The following KIF18B variants were observed in gnomAD, a reference collection of about 807,000 sequenced individuals.
The protein encoded by KIF18B is kinesin family member 18B.
KIF18B carries 49 observed loss-of-function variants against 80.9 expected under a neutral mutation model. The observed-to-expected ratio is 0.61, with a 90% CI of 0.48 to 0.77. The LOEUF (loss-of-function observed/expected upper bound fraction) is 0.77, where lower values mean the gene tolerates loss of function less well. Among genes scored for constraint, KIF18B ranks in the 30% least tolerant of loss-of-function variants. KIF18B has a pLI of 0.00. For missense variants in KIF18B, 994 were observed against 1,127.7 expected (o/e 0.88, Z 1.70); for synonymous variants, 439 against 463.9 (o/e 0.95, Z 0.69).
chr17:44,936,708 C>T (rs1422908544), intron 1 of KIF18B, among the ~76,000 whole-genome samples: 9 of 132,132 alleles, frequency 6.8e-5, no homozygotes, highest in Non-Finnish European at 1.4e-4. Flanking sequence ...GGCATGATCT[C>T]GGCTCATTGC....
chr17:44,934,043 G>A lies in KIF18B; in HGVS notation c.942C>T (p.Asp314=), dbSNP rs1020562414. 4.3e-6 allele frequency: 7 copies of A among 1,612,656 alleles called. No homozygotes were observed. The highest frequency in any genetic ancestry group is 5.9e-6 in the Non-Finnish European group (7 of 1,179,534). Residue 314 remains aspartate (D), a synonymous_variant, in exon 7 of 16, where the codon GAC becomes GAT. Coordinates refer to ENST00000593135, the MANE Select transcript of KIF18B (RefSeq NM_001265577.2). The surrounding 1 kb of genome is among the most constrained non-coding windows in gnomAD (Gnocchi z 5.4). The part of the protein sequence containing the change: ...RDSKLTRLLK[D]SLGGNCRTVM... ...CTGTGCGGCAGTTGCCCCCGAGGGAGTCTTTGAGCAGGCGGGTCAGTTTGC... is the reference window on the plus strand; with the variant it reads ...CTGTGCGGCAGTTGCCCCCGAGGGAATCTTTGAGCAGGCGGGTCAGTTTGC...
intron 1 of KIF18B, among the ~76,000 whole-genome samples, chr17:44,939,310 G>T (rs2052370759): frequency 7.5e-6 from 1 of 133,086 alleles, no homozygotes; most frequent in Non-Finnish European, 1.5e-5. Flanking sequence ...GGCGGAGGTT[G>T]CAGTGAGCTG....
At chr17:44,933,108 G>T in intron 7 of KIF18B, 122 bp from the exon 8 acceptor site, 1 of 805,720 alleles carries the variant, frequency 1.2e-6, no homozygotes, top group East Asian at 2.7e-5. Flanking sequence ...CCTCGCAAGT[G>T]GGGAGACACA....
At chr17:44,930,974 C>T (rs1439998451) in intron 11 of KIF18B, among the ~76,000 whole-genome samples, 1 of 152,182 alleles carries the variant, frequency 6.6e-6, no homozygotes, top group Non-Finnish European at 1.5e-5. Flanking sequence ...GCTTTAAATA[C>T]ACTGCCTAGC....
intron 1 of KIF18B, among the ~76,000 whole-genome samples, chr17:44,940,878 A>G (rs141985568): frequency 4.3e-4 from 66 of 152,366 alleles, no homozygotes; most frequent in African/African-American, 1.5e-3. Context: ...CCCATATAAA[A>G]CAAGAAAAAG....
At chr17:44,931,761 G>A (rs2052153793) in intron 10 of KIF18B, 32 bp from the exon 11 acceptor site, 1 of 1,607,616 alleles carries the variant, frequency 6.2e-7, no homozygotes, top group African/African-American at 1.3e-5. Context: ...CAGGTAGAGG[G>A]GCCAGGATGG....
At chr17:44,943,740 T>C (rs891554915) in intron 1 of KIF18B, among the ~76,000 whole-genome samples, 1 of 152,182 alleles carries the variant, frequency 6.6e-6, no homozygotes, top group South Asian at 2.1e-4. Context: ...CCAGGTCTCA[T>C]GTTGTTGCCC....
At chr17:44,944,218 C>T (rs547437401) in intron 1 of KIF18B, among the ~76,000 whole-genome samples, 9 of 152,044 alleles carry the variant, frequency 5.9e-5, no homozygotes, top group Admixed American at 3.9e-4. Flanking sequence ...ACTACATTAA[C>T]GAAACAGATT....
At chr17:44,936,922 A>C (rs1419205466) in intron 1 of KIF18B, among the ~76,000 whole-genome samples, 2 of 151,376 alleles carry the variant, frequency 1.3e-5, no homozygotes, top group African/African-American at 4.8e-5. Context: ...GATTACAGGC[A>C]TGAGCCACCG....
At chr17:44,939,513 G>A (rs2052377329) in intron 1 of KIF18B, among the ~76,000 whole-genome samples, 1 of 151,022 alleles carries the variant, frequency 6.6e-6, no homozygotes, top group Non-Finnish European at 1.5e-5. Context: ...CTTTTTCTTG[G>A]CTATTTTTAG....
Position 44,934,614 on chromosome 17 carries a change from C to A in KIF18B, c.580G>T (p.Ala194Ser). 1 of 1,602,496 alleles carries A rather than the reference C, an allele frequency of 6.2e-7. No individual in the cohort carries two copies. Among genetic ancestry groups the A allele is most frequent in the Middle Eastern group, 1.7e-4 (1 of 6,006 alleles). Residue 194 changes from alanine to serine, a missense_variant, in exon 5 of 16, where the codon GCC becomes TCC. Coordinates refer to ENST00000593135, the MANE Select transcript of KIF18B (RefSeq NM_001265577.2). The surrounding 1 kb of genome is among the most constrained non-coding windows in gnomAD (Gnocchi z 5.4). ...VVQGLSFHQP[A>S]SAEQLLEILT... ...ATCTCCAGCAGCTGCTCGGCTGAGG[C>A]TGGCTACAGAGGAGAAGCCCAGGAA...
chr17:44,947,196 G>A (rs568156165), intron 1 of KIF18B, among the ~76,000 whole-genome samples: 150 of 149,770 alleles, frequency 1.0e-3, no homozygotes, highest in African/African-American at 3.5e-3. Context: ...CAGTTCAGTA[G>A]ATGGGTGGAG....
chr17:44,932,824 G>T, intron 8 of KIF18B, 51 bp from the exon 9 acceptor site: 1 of 1,577,880 alleles, frequency 6.3e-7, no homozygotes. Flanking sequence ...GCACAGGAGG[G>T]GAGGGGCAGA....
rs1330508225 is a variant in KIF18B, at chr17:44,925,145, G to A, written c.*935C>T. 1.3e-5 allele frequency: 2 copies of A among 152,276 alleles called. No individual in the cohort carries two copies. The highest frequency in any genetic ancestry group is 2.4e-5 in the African/African-American group (1 of 41,278). 9.4% of individuals were successfully genotyped at this position (152,276 alleles called of 1,614,324 possible). On this transcript the variant is annotated 3_prime_UTR_variant, in exon 16 of 16. Coordinates refer to ENST00000593135, the MANE Select transcript of KIF18B (RefSeq NM_001265577.2). The stretch of plus-strand genomic sequence containing the variant: ...AGCCCAAGAGCCGTCTGCCTGCACA[G>A]AGGGCATCATAAATGAGAGGGGAGG...
intron 1 of KIF18B, among the ~76,000 whole-genome samples, chr17:44,945,117 T>C (rs2052486906): frequency 6.6e-6 from 1 of 152,240 alleles, no homozygotes; most frequent in African/African-American, 2.4e-5. Flanking sequence ...TAGAGTGCAG[T>C]GGCGCGATCA....
At chr17:44,940,718 G>T (rs2052400568) in intron 1 of KIF18B, among the ~76,000 whole-genome samples, 2 of 152,136 alleles carry the variant, frequency 1.3e-5, no homozygotes, top group South Asian at 4.1e-4. Context: ...TTCCACTGGT[G>T]GGTCACAAAT....
Position 44,935,208 on chromosome 17 carries a change from A to G in KIF18B, c.471+51T>C, listed in dbSNP as rs573347108. 6.1e-5 allele frequency: 93 copies of G among 1,517,360 alleles called. No homozygotes were observed. The African/African-American group carries it at 1.2e-3, about 19-fold the overall frequency. The allele number at this position is 1,517,360 out of a possible 1,614,324, so 94.0% of individuals were successfully genotyped here. A position where few individuals can be genotyped will look rare whatever the true frequency, so the allele number is the denominator to read the frequency against. On this transcript the variant is annotated intron_variant, in intron 3 of 15. Transcript: ENST00000593135. ...CCAGCTCACTCCACCCCATGGGCTCACTTCCCCCCGGGTGGTTGTGAGAAC... is the reference window on the plus strand; with the variant it reads ...CCAGCTCACTCCACCCCATGGGCTCGCTTCCCCCCGGGTGGTTGTGAGAAC...
intron 1 of KIF18B, among the ~76,000 whole-genome samples, chr17:44,942,279 C>T (rs2052434877): frequency 6.6e-6 from 1 of 152,232 alleles, no homozygotes; most frequent in Non-Finnish European, 1.5e-5. Flanking sequence ...ACAGTCACGT[C>T]CTGTTTCTAA....
chr17:44,935,983 G>A (rs750157402), intron 2 of KIF18B, 49 bp downstream of exon 2: 1 of 1,533,686 alleles, frequency 6.5e-7, no homozygotes, highest in Non-Finnish European at 9.0e-7. Flanking sequence ...CTTCCCTTAG[G>A]AGGAGGCAGG....
Sources: allele counts gnomAD v4.1 joint callset (sites outside exome capture counted in the v4.1 genomes callset), GRCh38; gene constraint gnomAD v4.1.1; non-coding constraint Gnocchi (gnomAD v3.1); transcripts MANE v1.5; gene names NCBI Gene and HGNC (gene_info 2026-07-23, HGNC 2026-07-21).